The following FOXP2 variants were observed in gnomAD, a reference collection of about 807,000 sequenced individuals.
The protein encoded by FOXP2 is forkhead box P2, also known as forkhead box protein P2.
In FOXP2, 12 loss-of-function variants were observed where a neutral mutation model predicts 115.8. The observed-to-expected ratio is 0.10, with a 90% CI of 0.07 to 0.17. FOXP2 has a LOEUF of 0.17. Among genes scored for constraint, FOXP2 ranks in the 10% least tolerant of loss-of-function variants. FOXP2 has a pLI of 1.00. For synonymous variants in FOXP2, 328 were observed against 297.7 expected (o/e 1.10, Z -1.05); for missense variants, 629 against 843.5 (o/e 0.75, Z 3.15).
chr7:114,561,247 A>G (rs1313444949), intron 3 of FOXP2: 3 of 152,328 alleles, frequency 2.0e-5, no homozygotes, highest in South Asian at 2.1e-4. Context: ...GATTTCGTCT[A>G]TGTTAACTTT....
At chr7:114,600,164 T>C (rs539505225) in intron 3 of FOXP2, among the ~76,000 whole-genome samples, 8 of 152,320 alleles carry the variant, frequency 5.3e-5, no homozygotes, top group African/African-American at 1.9e-4. Context: ...TCCCCTGTAT[T>C]CCACCTTATT....
At chr7:114,173,681 G>T (rs796383790) in intron 1 of FOXP2, among the ~76,000 whole-genome samples, 30 of 151,830 alleles carry the variant, frequency 2.0e-4, no homozygotes, top group African/African-American at 7.2e-4. Flanking sequence ...CCAAAGCCCA[G>T]ATTACCAAGG....
intron 2 of FOXP2, among the ~76,000 whole-genome samples, chr7:114,360,451 A>G (rs749279796): frequency 1.3e-5 from 2 of 152,120 alleles, no homozygotes; most frequent in African/African-American, 2.4e-5. Flanking sequence ...CCTGATAACC[A>G]TCTTTTGACT....
intron 1 of FOXP2, among the ~76,000 whole-genome samples, chr7:114,167,258 G>C (rs1462461974): frequency 6.6e-6 from 1 of 152,118 alleles, no homozygotes; most frequent in Non-Finnish European, 1.5e-5. Flanking sequence ...ATAATAAAAA[G>C]AAATGAGCTA....
At chr7:114,670,790 G>A (rs1298304196) in intron 16 of FOXP2, among the ~76,000 whole-genome samples, 1 of 151,970 alleles carries the variant, frequency 6.6e-6, no homozygotes, top group Non-Finnish European at 1.5e-5. Context: ...AGATCTCTCT[G>A]TGGACAAAAG....
At chr7:114,440,085 T>C (rs554554677) in intron 2 of FOXP2, among the ~76,000 whole-genome samples, 8 of 152,292 alleles carry the variant, frequency 5.3e-5, no homozygotes, top group Non-Finnish European at 8.8e-5. Flanking sequence ...ATTAATATAA[T>C]GGTTAGGACA....
intron 1 of FOXP2, among the ~76,000 whole-genome samples, chr7:114,095,917 G>T (rs1473642699): frequency 1.3e-5 from 2 of 152,138 alleles, no homozygotes; most frequent in African/African-American, 4.8e-5. Context: ...CTGTAGTTTG[G>T]CTTAATGGGA....
chr7:114,394,454 G>A (rs1293682567), intron 2 of FOXP2, among the ~76,000 whole-genome samples: 1 of 151,276 alleles, frequency 6.6e-6, no homozygotes, highest in Non-Finnish European at 1.5e-5. Flanking sequence ...TATAGAAATT[G>A]AAAAGTTCAG....
chr7:114,620,367 C>G (rs1804182322), intron 3 of FOXP2, among the ~76,000 whole-genome samples: 1 of 152,064 alleles, frequency 6.6e-6, no homozygotes, highest in South Asian at 2.1e-4. Flanking sequence ...TGGATCCTAA[C>G]TGCCAGATCT....
chr7:114,175,256 CCACTTAT>C (rs1474374476), intron 1 of FOXP2, among the ~76,000 whole-genome samples: 2 of 152,028 alleles, frequency 1.3e-5, no homozygotes, highest in African/African-American at 4.8e-5. Context: ...CTCGTTAAGT[CCACTTAT>C]GTGTTAAGGA....
At chr7:114,556,469 C>T (rs1031720431) in intron 3 of FOXP2, among the ~76,000 whole-genome samples, 2 of 152,152 alleles carry the variant, frequency 1.3e-5, no homozygotes, top group African/African-American at 4.8e-5. Context: ...ATCTGAATTG[C>T]TCCCCCCTAA....
chr7:114,135,392 T>G (rs542096826), intron 1 of FOXP2, among the ~76,000 whole-genome samples: 3 of 152,250 alleles, frequency 2.0e-5, no homozygotes, highest in African/African-American at 7.2e-5. Context: ...AATAACAAAC[T>G]AAAGGTGCTA....
chr7:114,538,529 A>T, intron 3 of FOXP2: 1 of 428,508 alleles, frequency 2.3e-6, no homozygotes, highest in Non-Finnish European at 3.9e-6. Context: ...TGTCTTAAGA[A>T]GTTCAAGAAT....
chr7:114,175,513 A>G (rs1324646659), intron 1 of FOXP2, among the ~76,000 whole-genome samples: 1 of 152,188 alleles, frequency 6.6e-6, no homozygotes, highest in Non-Finnish European at 1.5e-5. Context: ...GACCATTTTC[A>G]TTTAACTCTC....
Position 114,690,182 on chromosome 7 carries a change from A to T in FOXP2, c.*256A>T, listed in dbSNP as rs1808591822. ...ACAAAAACTGATTTTCTTGAAAAAAAAAAATGAACTGTTCTTTCTATAATG... is the reference window on the plus strand; with the variant it reads ...ACAAAAACTGATTTTCTTGAAAAAATAAAATGAACTGTTCTTTCTATAATG... On this transcript the variant is annotated 3_prime_UTR_variant, in exon 17 of 17. Coordinates refer to ENST00000350908, the MANE Select transcript of FOXP2 (RefSeq NM_014491.4). 1 of 511,780 alleles carries T rather than the reference A, an allele frequency of 2.0e-6. No individual in the cohort carries two copies. The highest frequency in any genetic ancestry group is 4.5e-5 in the East Asian group (1 of 22,294). 31.7% of individuals were successfully genotyped at this position (511,780 alleles called of 1,614,324 possible). A position where few individuals can be genotyped will look rare whatever the true frequency, so the allele number is the denominator to read the frequency against.
intron 3 of FOXP2, among the ~76,000 whole-genome samples, chr7:114,540,456 G>A (rs576533809): frequency 2.6e-3 from 394 of 151,360 alleles, no homozygotes; most frequent in Non-Finnish European, 4.7e-3. Context: ...TTTGGAGGAG[G>A]AAAAAAAACA....
At chr7:114,560,235 T>C (rs961042090) in intron 3 of FOXP2, among the ~76,000 whole-genome samples, 2 of 152,164 alleles carry the variant, frequency 1.3e-5, no homozygotes, top group Admixed American at 6.6e-5. Flanking sequence ...CGTTTTTACA[T>C]ATTAAGTTGT....
intron 2 of FOXP2, among the ~76,000 whole-genome samples, chr7:114,458,799 A>C (rs952224864): frequency 1.3e-5 from 2 of 152,042 alleles, no homozygotes; most frequent in Non-Finnish European, 2.9e-5. Flanking sequence ...GACTCTTCCA[A>C]AGGTTCAAAT....
intron 1 of FOXP2, among the ~76,000 whole-genome samples, chr7:114,168,400 C>G (rs1052177259): frequency 6.6e-6 from 1 of 152,136 alleles, no homozygotes; most frequent in African/African-American, 2.4e-5. Context: ...TTGTTGGGAA[C>G]TGGAGCAAAG....
Sources: gnomAD v4.1 joint callset for allele counts (sites outside exome capture counted in the v4.1 genomes callset) on GRCh38, gnomAD v4.1.1 for gene constraint, MANE v1.5 for transcripts, NCBI Gene and HGNC (gene_info 2026-07-23, HGNC 2026-07-21) for gene names.